RERE: variants seen among roughly 807,000 people sequenced by gnomAD.
RERE encodes arginine-glutamic acid dipeptide repeats.
Under a neutral mutation model 146.1 loss-of-function variants are expected in RERE, and 40 were observed. That is an observed-to-expected ratio of 0.27 (90% CI 0.21 to 0.36). The LOEUF (loss-of-function observed/expected upper bound fraction) is 0.36. RERE is among the 10% of genes least tolerant of loss of function. The pLI is 1.00. For missense variants in RERE, 1,933 were observed against 2,138.7 expected (o/e 0.90, Z 1.90); for synonymous variants, 1,003 against 866.0 (o/e 1.16, Z -2.78).
chr1:8,806,886 T>C (rs147823780), intron 1 of RERE: 2 of 152,334 alleles, frequency 1.3e-5, no homozygotes, highest in African/African-American at 2.4e-5. Flanking sequence ...TAATCACACA[T>C]AATCATATTC....
At position 8,359,847 on chromosome 1, in the gene RERE, G is replaced by C; in HGVS notation, c.3535C>G (p.Arg1179Gly). 6.2e-7 allele frequency: 1 copy of C among 1,610,758 alleles called. No individual in the cohort carries two copies. The highest frequency in any genetic ancestry group is 8.5e-7 in the Non-Finnish European group (1 of 1,179,896). Residue 1179 changes from arginine to glycine, a missense_variant, in exon 19 of 23, where the codon CGA becomes GGA. Around this residue, in one of 11 missense-constraint regions of RERE, gnomAD observed 1,255 missense variants for 1,153.8 expected, o/e 1.09. Transcript: ENST00000400908. ...TCCTTCTCCCGCTCTCGCTCCTCTC[G>C]GGCTTTCTGCTCAGCCTCGCGCTTG... ...KAKREAEQKA[R>G]EEREREKEKE...
At chr1:8,656,553 C>A in intron 1 of RERE, 112 bp from the exon 2 acceptor site, 1 of 454,636 alleles carries the variant, frequency 2.2e-6, no homozygotes, top group Non-Finnish European at 3.8e-6. Context: ...AAACTTCGCA[C>A]AAGCCACAGG....
At chr1:8,816,725 G>C (rs1464080108) in intron 1 of RERE, among the ~76,000 whole-genome samples, 1 of 152,078 alleles carries the variant, frequency 6.6e-6, no homozygotes, top group Non-Finnish European at 1.5e-5. Context: ...TAGAGATTGG[G>C]AGCACAAAGA....
At chr1:8,740,622 T>C (rs2124501883) in intron 1 of RERE, among the ~76,000 whole-genome samples, 1 of 152,366 alleles carries the variant, frequency 6.6e-6, no homozygotes, top group Non-Finnish European at 1.5e-5. Context: ...AGATATTTTA[T>C]TTGTATAATC....
intron 1 of RERE, among the ~76,000 whole-genome samples, chr1:8,722,054 T>C (rs1179149386): frequency 6.6e-6 from 1 of 152,254 alleles, no homozygotes; most frequent in Non-Finnish European, 1.5e-5. Flanking sequence ...GCCCTTTTTC[T>C]GTCTATGAAG....
At chr1:8,667,784 G>C (rs1288891069) in intron 1 of RERE, among the ~76,000 whole-genome samples, 8 of 152,222 alleles carry the variant, frequency 5.3e-5, no homozygotes, top group Non-Finnish European at 8.8e-5. Flanking sequence ...CAGTTAGCTT[G>C]TACACTGCCA....
intron 12 of RERE, among the ~76,000 whole-genome samples, chr1:8,371,106 G>C (rs544933399): frequency 3.3e-5 from 5 of 152,350 alleles, no homozygotes; most frequent in African/African-American, 1.2e-4. Flanking sequence ...GCAGAAATGG[G>C]AAAGGAAGAG....
intron 12 of RERE, among the ~76,000 whole-genome samples, chr1:8,369,850 C>T (rs529856719): frequency 1.3e-5 from 2 of 152,210 alleles, no homozygotes; most frequent in Non-Finnish European, 2.9e-5. Flanking sequence ...AGTGCAGTGG[C>T]ACGATCTCGG....
At chr1:8,486,731 G>C (rs1163863974) in intron 10 of RERE, among the ~76,000 whole-genome samples, 1 of 132,700 alleles carries the variant, frequency 7.5e-6, no homozygotes, top group African/African-American at 2.8e-5. Flanking sequence ...CAAATTACCA[G>C]CCTTGGCAAC....
intron 1 of RERE, among the ~76,000 whole-genome samples, chr1:8,789,780 C>T (rs1243425563): frequency 1.3e-5 from 2 of 152,164 alleles, no homozygotes; most frequent in Non-Finnish European, 2.9e-5. Flanking sequence ...CTCAGGCCGA[C>T]CCCTGCCTGG....
At chr1:8,372,992 A>C (rs1642099334) in intron 12 of RERE, among the ~76,000 whole-genome samples, 1 of 152,188 alleles carries the variant, frequency 6.6e-6, no homozygotes, top group Non-Finnish European at 1.5e-5. Flanking sequence ...ACAGGATTAT[A>C]AACACAATTT....
intron 6 of RERE, among the ~76,000 whole-genome samples, chr1:8,552,968 T>C (rs1645955320): frequency 7.5e-6 from 1 of 132,628 alleles, no homozygotes; most frequent in Non-Finnish European, 1.6e-5. Context: ...CCACAAACAC[T>C]CATGACACCA....
At chr1:8,490,215 T>C (rs1425319436) in intron 10 of RERE, among the ~76,000 whole-genome samples, 2 of 140,966 alleles carry the variant, frequency 1.4e-5, no homozygotes, top group Admixed American at 1.4e-4. Context: ...ACAAAAAAAT[T>C]AGCTGGACGT....
At chr1:8,556,060 T>C (rs1424248962) in intron 6 of RERE, among the ~76,000 whole-genome samples, 5 of 152,078 alleles carry the variant, frequency 3.3e-5, no homozygotes, top group Non-Finnish European at 7.4e-5. Context: ...ATTAAATCTT[T>C]AGAAAGTAAA....
intron 11 of RERE, among the ~76,000 whole-genome samples, chr1:8,447,258 G>C (rs1644334602): frequency 6.6e-6 from 1 of 151,716 alleles, no homozygotes; most frequent in Non-Finnish European, 1.5e-5. Context: ...TAGCTCGGAG[G>C]AGTTTGTTAT....
chr1:8,430,428 A>T (rs952723087), intron 11 of RERE, among the ~76,000 whole-genome samples: 1 of 152,214 alleles, frequency 6.6e-6, no homozygotes, highest in Non-Finnish European at 1.5e-5. Context: ...TAGTTTAATG[A>T]AACTAGTTAG....
intron 11 of RERE, among the ~76,000 whole-genome samples, chr1:8,439,856 T>C (rs1054857139): frequency 6.6e-6 from 1 of 151,978 alleles, no homozygotes; most frequent in African/African-American, 2.4e-5. Context: ...GTGGATCACC[T>C]GAGGTCAAAA....
intron 12 of RERE, among the ~76,000 whole-genome samples, chr1:8,392,284 A>G (rs1642907972): frequency 6.6e-6 from 1 of 152,268 alleles, no homozygotes; most frequent in Admixed American, 6.5e-5. Context: ...GGGCATTTGT[A>G]AGAAATAGAA....
chr1:8,577,879 C>T (rs969728751), intron 4 of RERE, among the ~76,000 whole-genome samples: 6 of 152,108 alleles, frequency 3.9e-5, no homozygotes, highest in Non-Finnish European at 7.4e-5. Flanking sequence ...GATCACCTGA[C>T]GTCAGGAGTT....
Sources: gnomAD v4.1 joint callset for allele counts (sites outside exome capture counted in the v4.1 genomes callset) on GRCh38, gnomAD v4.1.1 for gene constraint, gnomAD v4.1.1 regional missense constraint, MANE v1.5 for transcripts, NCBI Gene and HGNC (gene_info 2026-07-23, HGNC 2026-07-21) for gene names.